The following ADGRL2 variants were observed in gnomAD, a reference collection of about 807,000 sequenced individuals.
ADGRL2 encodes calcium-independent alpha-latrotoxin receptor 2.
Under a neutral mutation model 157.4 loss-of-function variants are expected in ADGRL2, and 44 were observed. The observed-to-expected ratio is 0.28, with a 90% CI of 0.22 to 0.36. ADGRL2 has a LOEUF of 0.36. Among genes scored for constraint, ADGRL2 ranks in the 10% least tolerant of loss-of-function variants. The probability of loss-of-function intolerance (pLI) is 1.00; values close to 1 mark genes in which losing one functional copy is unlikely to be tolerated. For missense variants in ADGRL2, 1,510 were observed against 1,768.9 expected, an observed-to-expected ratio of 0.85 and a Z score of 2.63; for synonymous variants, 585 against 624.7, an observed-to-expected ratio of 0.94 and a Z score of 0.95.
chr1:81,721,602 A>G (rs2084323137), intron 1 of ADGRL2: 1 of 560,698 alleles, frequency 1.8e-6, no homozygotes, highest in African/African-American at 1.9e-5. Context: ...CCAAAAAAAT[A>G]CAAAAATTGC....
At chr1:81,726,777 C>A (rs1010777250) in intron 1 of ADGRL2, among the ~76,000 whole-genome samples, 4 of 152,088 alleles carry the variant, frequency 2.6e-5, no homozygotes, top group Non-Finnish European at 4.4e-5. Context: ...TACAGTTTTT[C>A]TAATGCTTTG....
intron 2 of ADGRL2, among the ~76,000 whole-genome samples, chr1:81,877,664 G>A (rs561772907): frequency 1.0e-4 from 15 of 149,976 alleles, no homozygotes; most frequent in South Asian, 2.1e-4. Context: ...GCTTTTTTTG[G>A]GGAGGGGGGA....
chr1:81,795,312 C>T (rs2087533402), intron 2 of ADGRL2, among the ~76,000 whole-genome samples: 1 of 151,984 alleles, frequency 6.6e-6, no homozygotes, highest in South Asian at 2.1e-4. Context: ...CCCAGAAGGT[C>T]AATGCTGCAG....
chr1:81,346,096 T>C (rs1662459969), intron 1 of ADGRL2, among the ~76,000 whole-genome samples: 2 of 152,196 alleles, frequency 1.3e-5, no homozygotes, highest in African/African-American at 4.8e-5. Context: ...AAAGCTAAGT[T>C]GCACGCTGAT....
intron 6 of ADGRL2, among the ~76,000 whole-genome samples, chr1:81,949,853 C>G (rs566493273): frequency 2.6e-5 from 4 of 152,202 alleles, no homozygotes; most frequent in Non-Finnish European, 5.9e-5. Context: ...ATTAAACTGT[C>G]CCACATTTCC....
chr1:81,874,164 A>T (rs1181580436), intron 2 of ADGRL2, among the ~76,000 whole-genome samples: 1 of 152,088 alleles, frequency 6.6e-6, no homozygotes, highest in Non-Finnish European at 1.5e-5. Flanking sequence ...AAAACTTGCC[A>T]TTTCAGTCTT....
chr1:81,630,569 C>A (rs191978896), intron 3 of ADGRL2, among the ~76,000 whole-genome samples: 14 of 152,164 alleles, frequency 9.2e-5, no homozygotes, highest in Admixed American at 7.9e-4. Flanking sequence ...CCTCATATGA[C>A]CTTCGAGTTT....
At chr1:81,794,759 T>A (rs535043277) in intron 2 of ADGRL2, among the ~76,000 whole-genome samples, 1 of 152,204 alleles carries the variant, frequency 6.6e-6, no homozygotes, top group Non-Finnish European at 1.5e-5. Flanking sequence ...TAAGAATGCA[T>A]TGTAAAGAGT....
chr1:81,776,998 T>C (rs1354956434), intron 2 of ADGRL2, among the ~76,000 whole-genome samples: 1 of 152,204 alleles, frequency 6.6e-6, no homozygotes, highest in Non-Finnish European at 1.5e-5. Context: ...TTATTATGCA[T>C]ACTACTCTGA....
intron 1 of ADGRL2, among the ~76,000 whole-genome samples, chr1:81,372,493 C>T (rs1357395380): frequency 1.3e-5 from 2 of 152,190 alleles, no homozygotes; most frequent in African/African-American, 2.4e-5. Flanking sequence ...ACCTGGAAAG[C>T]TTATCTGTTG....
rs892878231 is a variant in ADGRL2, at chr1:81,541,990, A to G, written c.-247-38886A>G. 4.6e-5 allele frequency among the ~76,000 whole-genome samples: 7 copies of G among 152,162 alleles called. No individual in the cohort carries two copies. In the East Asian group the frequency reaches 1.3e-3, roughly 29 times the overall value. On this transcript the variant is annotated intron_variant, in intron 2 of 24. Transcript: ENST00000370721. ...GTAAAGAAAAGAAATCTCTTTTCCAAACAATATCTTGGAATAAACTAAAAG... is the reference window on the plus strand; with the variant it reads ...GTAAAGAAAAGAAATCTCTTTTCCAGACAATATCTTGGAATAAACTAAAAG...
chr1:81,414,800 G>C (rs1482847598), intron 1 of ADGRL2, among the ~76,000 whole-genome samples: 2 of 152,200 alleles, frequency 1.3e-5, no homozygotes, highest in Admixed American at 1.3e-4. Context: ...TGTCTTTAAG[G>C]AGGAGGCTTA....
At chr1:81,855,671 T>A (rs1246466348) in intron 2 of ADGRL2, among the ~76,000 whole-genome samples, 1 of 152,154 alleles carries the variant, frequency 6.6e-6, no homozygotes, top group African/African-American at 2.4e-5. Context: ...GACATTGGAT[T>A]TGAATGTTAC....
intron 1 of ADGRL2, among the ~76,000 whole-genome samples, chr1:81,754,527 T>C (rs890864942): frequency 1.5e-5 from 2 of 134,156 alleles, no homozygotes; most frequent in African/African-American, 5.8e-5. Flanking sequence ...CCCTCCCTCT[T>C]TCTCTTTCTT....
chr1:81,436,469 A>G (rs2077412013), intron 1 of ADGRL2, among the ~76,000 whole-genome samples: 1 of 152,012 alleles, frequency 6.6e-6, no homozygotes, highest in Non-Finnish European at 1.5e-5. Flanking sequence ...TTTTTTGTCC[A>G]TGACCATAAT....
chr1:81,728,191 T>G (rs1456099913), intron 1 of ADGRL2, among the ~76,000 whole-genome samples: 4 of 152,166 alleles, frequency 2.6e-5, no homozygotes, highest in Non-Finnish European at 2.9e-5. Context: ...GAAGTACAAA[T>G]TGTGTCCAAT....
intron 2 of ADGRL2, among the ~76,000 whole-genome samples, chr1:81,844,581 C>T (rs1326781564): frequency 6.6e-6 from 1 of 152,180 alleles, no homozygotes; most frequent in Non-Finnish European, 1.5e-5. Context: ...CTTTTCCCCT[C>T]CTCTGCAAGA....
At chr1:81,543,819 C>T (rs1463454972) in intron 2 of ADGRL2, among the ~76,000 whole-genome samples, 1 of 152,212 alleles carries the variant, frequency 6.6e-6, no homozygotes, top group African/African-American at 2.4e-5. Context: ...TCACCTCTCC[C>T]TCTTCTCGAG....
intron 3 of ADGRL2, among the ~76,000 whole-genome samples, chr1:81,921,103 A>G (rs1391870840): frequency 1.3e-5 from 2 of 152,154 alleles, no homozygotes; most frequent in Non-Finnish European, 1.5e-5. Flanking sequence ...GCATTTTGAC[A>G]TTAATGAGGT....
Sources: allele counts gnomAD v4.1 joint callset (sites outside exome capture counted in the v4.1 genomes callset), GRCh38; gene constraint gnomAD v4.1.1; transcripts MANE v1.5; gene names NCBI Gene and HGNC (gene_info 2026-07-23, HGNC 2026-07-21).